The following C12orf42 variants were observed in gnomAD, a reference collection of about 807,000 sequenced individuals.
C12orf42 encodes uncharacterized protein C12orf42.
In C12orf42, 25 loss-of-function variants were observed where a neutral mutation model predicts 21.6. The ratio of observed to expected loss-of-function variants is 1.16; its 90% CI spans 0.84 to 1.62. The LOEUF (loss-of-function observed/expected upper bound fraction) is 1.62, where lower values mean the gene tolerates loss of function less well. Among genes scored for constraint, C12orf42 ranks in the 40% most tolerant of loss-of-function variants. The pLI is 0.00. For synonymous variants in C12orf42, 174 were observed against 175.0 expected (o/e 0.99, Z 0.05); for missense variants, 483 against 459.3 (o/e 1.05, Z -0.47).
At chr12:103,516,775 A>G in the C12orf42 span, among the ~76,000 whole-genome samples, 1 of 152,248 alleles carries the variant, frequency 6.6e-6, no homozygotes, top group Non-Finnish European at 1.5e-5. Flanking sequence ...AAACATGCTT[A>G]AATGTCTGAA....
At chr12:103,191,748 AAAAAAAAAAAAAG>A in the C12orf42 span, among the ~76,000 whole-genome samples, 2 of 143,914 alleles carry the variant, frequency 1.4e-5, no homozygotes, top group Non-Finnish European at 3.0e-5. Context: ...GTGTCTAAAA[AAAAAAAAAAAAAG>A]AAAAGAAAAG....
At chr12:103,399,408 G>A (rs11111551) in intron 3 of C12orf42, among the ~76,000 whole-genome samples, 91,426 of 150,652 alleles carry the variant, frequency 0.61, 29,172 homozygotes, top group Admixed American at 0.72. Context: ...TCACTCTGTC[G>A]CCCAGGCTGG....
At chr12:103,535,680 G>A in the C12orf42 span, among the ~76,000 whole-genome samples, 9 of 152,172 alleles carry the variant, frequency 5.9e-5, no homozygotes, top group Admixed American at 2.0e-4. Flanking sequence ...AGGATGAGAT[G>A]CTATATGAAG....
At chr12:103,479,617 C>T (rs532609859) in intron 1 of C12orf42, among the ~76,000 whole-genome samples, 43 of 151,906 alleles carry the variant, frequency 2.8e-4, no homozygotes, top group Middle Eastern at 6.8e-3. Context: ...TTCTTCTATT[C>T]CTAGTTTGTA....
the C12orf42 span, among the ~76,000 whole-genome samples, chr12:103,090,475 C>A: frequency 6.6e-6 from 1 of 152,128 alleles, no homozygotes; most frequent in Non-Finnish European, 1.5e-5. Flanking sequence ...CAGAGTGTCA[C>A]CCTCTGCAAA....
chr12:103,355,658 C>T (rs2043480442), intron 4 of C12orf42, among the ~76,000 whole-genome samples: 1 of 152,066 alleles, frequency 6.6e-6, no homozygotes, highest in Admixed American at 6.6e-5. Context: ...TGAGCTAGGC[C>T]TGGATCCCCA....
intron 1 of C12orf42, among the ~76,000 whole-genome samples, chr12:103,492,735 C>G (rs1955261628): frequency 6.6e-6 from 1 of 152,156 alleles, no homozygotes. Flanking sequence ...AGGATGAGGG[C>G]ATAGGGCAAG....
chr12:103,216,506 G>T, the C12orf42 span, among the ~76,000 whole-genome samples: 1 of 151,830 alleles, frequency 6.6e-6, no homozygotes, highest in Non-Finnish European at 1.5e-5. Context: ...GAGTAGCTGG[G>T]ACTACAGTAG....
chr12:103,559,193 A>C, the C12orf42 span: 1 of 152,266 alleles, frequency 6.6e-6, no homozygotes, highest in Non-Finnish European at 1.5e-5. Context: ...TTGAAGTCTG[A>C]GTAGCCAACA....
chr12:103,299,001 G>A (rs2037480622), downstream of C12orf42, among the ~76,000 whole-genome samples: 1 of 152,160 alleles, frequency 6.6e-6, no homozygotes, highest in East Asian at 1.9e-4. Context: ...TAATCAGGAG[G>A]TGAGGGGATA....
chr12:103,257,694 A>C (rs1451432359), intron 10 of C12orf42, among the ~76,000 whole-genome samples: 1 of 151,924 alleles, frequency 6.6e-6, no homozygotes. Context: ...AATGAGGTAA[A>C]GGGGTTCAAG....
At chr12:103,454,666 G>A (rs898655927) in intron 2 of C12orf42, among the ~76,000 whole-genome samples, 1 of 152,094 alleles carries the variant, frequency 6.6e-6, no homozygotes. Context: ...GTTGGTTTCT[G>A]CTTCTACTGT....
the C12orf42 span, chr12:103,081,520 G>A: frequency 2.6e-5 from 4 of 152,064 alleles, no homozygotes; most frequent in Admixed American, 6.6e-5. Flanking sequence ...TAAGACAGAT[G>A]CATCTTCTTG....
chr12:103,469,359 T>C (rs1953404026), intron 2 of C12orf42, among the ~76,000 whole-genome samples: 1 of 152,252 alleles, frequency 6.6e-6, no homozygotes, highest in Non-Finnish European at 1.5e-5. Context: ...TTATAGATTT[T>C]TGAAAAACAG....
At chr12:103,399,547 C>T (rs1021850644) in intron 3 of C12orf42, among the ~76,000 whole-genome samples, 2 of 151,042 alleles carry the variant, frequency 1.3e-5, no homozygotes, top group Admixed American at 1.3e-4. Flanking sequence ...GACCACCCTA[C>T]CCTAACAAAA....
At chr12:103,155,860 T>TATATATAC in the C12orf42 span, among the ~76,000 whole-genome samples, 233 of 150,864 alleles carry the variant, frequency 1.5e-3, no homozygotes, top group African/African-American at 5.5e-3. Context: ...TATATGAGTG[T>TATATATAC]ATATATACAT....
chr12:103,395,456 C>T (rs1455619340), intron 3 of C12orf42, among the ~76,000 whole-genome samples: 1 of 152,084 alleles, frequency 6.6e-6, no homozygotes, highest in Non-Finnish European at 1.5e-5. Context: ...CCGCCTCAGC[C>T]TCCTGAGTAG....
intron 2 of C12orf42, among the ~76,000 whole-genome samples, chr12:103,408,322 G>A (rs901617304): frequency 1.3e-5 from 2 of 152,220 alleles, no homozygotes; most frequent in Non-Finnish European, 2.9e-5. Context: ...GCAGAGTCAA[G>A]TGTTGACTTT....
chr12:103,385,481 C>T (rs549893150), intron 3 of C12orf42, among the ~76,000 whole-genome samples: 18 of 152,266 alleles, frequency 1.2e-4, no homozygotes, highest in African/African-American at 3.1e-4. Flanking sequence ...ATATGGTCTT[C>T]CTTGAGATGT....
Sources: allele counts gnomAD v4.1 joint callset (sites outside exome capture counted in the v4.1 genomes callset), GRCh38; gene constraint gnomAD v4.1.1; transcripts MANE v1.5; gene names NCBI Gene and HGNC (gene_info 2026-07-23, HGNC 2026-07-21).